The following RXFP2 variants were observed in gnomAD, a reference collection of about 807,000 sequenced individuals.
RXFP2 encodes the protein relaxin family peptide receptor 2.
In RXFP2, 68 loss-of-function variants were observed where a neutral mutation model predicts 88.6. The observed-to-expected ratio is 0.77, with a 90% confidence interval of 0.63 to 0.94. The LOEUF is 0.94. Among genes scored for constraint, RXFP2 ranks in the 40% least tolerant of loss-of-function variants. The probability of loss-of-function intolerance (pLI) is 0.00; values close to 1 mark genes in which losing one functional copy is unlikely to be tolerated. For synonymous variants in RXFP2, 329 were observed against 306.8 expected (o/e 1.07, Z -0.76); for missense variants, 791 against 893.9 (o/e 0.88, Z 1.47).
At chr13:31,743,976 T>C (rs900021903) in intron 1 of RXFP2, among the ~76,000 whole-genome samples, 2 of 152,186 alleles carry the variant, frequency 1.3e-5, no homozygotes, top group African/African-American at 2.4e-5. Context: ...ATTCGCCCCC[T>C]TAAGTATTCC....
chr13:31,776,217 C>T (rs1872968727), intron 7 of RXFP2, among the ~76,000 whole-genome samples: 1 of 130,738 alleles, frequency 7.6e-6, no homozygotes, highest in African/African-American at 2.8e-5. Context: ...TTCTTGTTTG[C>T]TTGCTTGCCT....
chr13:31,774,483 T>A (rs1872857531), intron 5 of RXFP2, 137 bp from the exon 6 acceptor site: 1 of 688,310 alleles, frequency 1.5e-6, no homozygotes, highest in Admixed American at 2.0e-5. Flanking sequence ...ACTGACAACA[T>A]CTCCCCAACA....
At chr13:31,767,876 C>T (rs1053042715) in intron 5 of RXFP2, among the ~76,000 whole-genome samples, 2 of 152,094 alleles carry the variant, frequency 1.3e-5, no homozygotes, top group Admixed American at 6.6e-5. Context: ...GTTTTGCCCC[C>T]TAATCTGGGG....
Position 31,766,018 on chromosome 13 carries a change from T to C in RXFP2, c.488T>C (p.Leu163Pro). Residue 163 changes from leucine (L) to proline (P), a missense_variant, in exon 5 of 18, where the codon CTT becomes CCT. Physicochemically the swap from Leu to Pro is moderately conservative, Grantham distance 98. Coordinates refer to ENST00000298386, the MANE Select transcript of RXFP2 (RefSeq NM_130806.5). ...AAAGTTTTCATCAAATACACAAAACTTAAAAAGATGTAAGTAGCCGTTAAT... is the reference window on the plus strand; with the variant it reads ...AAAGTTTTCATCAAATACACAAAACCTAAAAAGATGTAAGTAGCCGTTAAT... Reference protein sequence around the residue: ...PDKVFIKYTKLKKIFLQHNCI... With the variant: ...PDKVFIKYTKPKKIFLQHNCI... 6.6e-7 allele frequency: 1 copy of C among 1,524,794 alleles called. No homozygotes were observed. The highest frequency in any genetic ancestry group is 9.1e-7 in the Non-Finnish European group (1 of 1,100,628). The allele number at this position is 1,524,794 out of a possible 1,614,324, so 94.5% of individuals were successfully genotyped here.
At chr13:31,757,660 G>A (rs1184941659) in intron 1 of RXFP2, among the ~76,000 whole-genome samples, 1 of 152,138 alleles carries the variant, frequency 6.6e-6, no homozygotes, top group Non-Finnish European at 1.5e-5. Context: ...GTTTCCAAGG[G>A]TGGATGACTC....
intron 6 of RXFP2, 127 bp from the exon 7 acceptor site, chr13:31,775,191 T>C: frequency 2.5e-6 from 2 of 813,386 alleles, no homozygotes; most frequent in East Asian, 2.6e-5. Flanking sequence ...CCTCTGCTCA[T>C]TCAGCCGAAT....
Position 31,792,798 on chromosome 13 carries a change from G to A in RXFP2, c.1496G>A (p.Gly499Glu), listed in dbSNP as rs571102655. Residue 499 changes from glycine to glutamate, a missense_variant, in exon 16 of 18, where the codon GGG becomes GAG. Coordinates refer to ENST00000298386, the MANE Select transcript of RXFP2 (RefSeq NM_130806.5). ...GAGAGCGTGCAGTGCCGCCTCATGGGGTTCCTGGCCATGCTGTCCACCGAA... is the reference window on the plus strand; with the variant it reads ...GAGAGCGTGCAGTGCCGCCTCATGGAGTTCCTGGCCATGCTGTCCACCGAA... ...WMESVQCRLM[G>E]FLAMLSTEVS... The A allele has an allele frequency of 3.8e-5, 61 of 1,614,074 alleles. No homozygotes were observed. Among genetic ancestry groups the A allele is most frequent in the South Asian group, 3.2e-4 (29 of 91,064 alleles).
intron 4 of RXFP2, among the ~76,000 whole-genome samples, chr13:31,765,479 T>C (rs950198322): frequency 1.3e-5 from 2 of 152,312 alleles, no homozygotes; most frequent in South Asian, 4.1e-4. Context: ...ATTCTACGTT[T>C]TTTTTAACGT....
chr13:31,778,413 A>G, intron 8 of RXFP2, 99 bp from the exon 9 acceptor site: 4 of 816,972 alleles, frequency 4.9e-6, no homozygotes, highest in South Asian at 4.4e-5. Flanking sequence ...ATAAGATATT[A>G]ATTTTAGCAC....
chr13:31,745,085 G>A (rs181290708), intron 1 of RXFP2, among the ~76,000 whole-genome samples: 20 of 151,926 alleles, frequency 1.3e-4, no homozygotes, highest in African/African-American at 3.9e-4. Flanking sequence ...CAGAAGAATC[G>A]CTTGAACCCA....
chr13:31,749,046 G>A (rs1354853959), intron 1 of RXFP2, among the ~76,000 whole-genome samples: 5 of 151,970 alleles, frequency 3.3e-5, no homozygotes, highest in African/African-American at 1.2e-4. Flanking sequence ...TCTAATTTAG[G>A]TATCTTTTCC....
Position 31,792,054 on chromosome 13 carries a change from T to C in RXFP2, c.1375+19T>C, listed in dbSNP as rs1873818957. ...CTTTGTTGTAAGTATGTTTCCAGTA[T>C]AAGTAGATTAAGGATATCTTCTGTG... On this transcript the variant is annotated intron_variant, in intron 15 of 17. Transcript: ENST00000298386. The C allele has an allele frequency of 2.0e-6, 3 of 1,535,828 alleles. No homozygotes were observed. Among genetic ancestry groups the C allele is most frequent in the Non-Finnish European group, 2.7e-6 (3 of 1,109,026 alleles).
chr13:31,759,088 A>C (rs927614832), intron 2 of RXFP2, among the ~76,000 whole-genome samples: 1 of 151,692 alleles, frequency 6.6e-6, no homozygotes, highest in African/African-American at 2.4e-5. Context: ...GGCCTAGCTA[A>C]AGAATTAATT....
At chr13:31,789,903 C>A (rs1873719103) in intron 14 of RXFP2, among the ~76,000 whole-genome samples, 4 of 152,144 alleles carry the variant, frequency 2.6e-5, no homozygotes, top group Admixed American at 2.6e-4. Context: ...GGTGTGATTA[C>A]TAAAAGACAA....
chr13:31,781,361 C>T (rs956986530), intron 9 of RXFP2, among the ~76,000 whole-genome samples: 1 of 151,676 alleles, frequency 6.6e-6, no homozygotes, highest in Non-Finnish European at 1.5e-5. Flanking sequence ...TAGAACAGCA[C>T]CTGGCACCAT....
chr13:31,776,422 A>T (rs1872987132), intron 7 of RXFP2, among the ~76,000 whole-genome samples: 2 of 150,834 alleles, frequency 1.3e-5, no homozygotes, highest in African/African-American at 4.9e-5. Flanking sequence ...CACCCAGCGA[A>T]TTTTTTGTAT....
chr13:31,776,092 CTTTCTTTTCT>C (rs1229763433), intron 7 of RXFP2, among the ~76,000 whole-genome samples: 2 of 68,734 alleles, frequency 2.9e-5, no homozygotes, highest in African/African-American at 1.2e-4. Flanking sequence ...TTCCTTCTTT[CTTTCTTTTCT>C]TTTCTTTCTT....
At position 31,749,417 on chromosome 13, in the gene RXFP2, G is replaced by A. The variant is rs145356530; in HGVS notation, c.95-8841G>A. Among the ~76,000 whole-genome samples the A allele has an allele frequency of 6.2e-3, 947 of 152,128 alleles. 19 individuals are homozygous for A. Among genetic ancestry groups the A allele is most frequent in the East Asian group, 0.027 (138 of 5,180 alleles). Reference sequence around the variant, plus strand: ...TTCTTCAGTGGTAGCCTGGCTCTTCGTGTTCTTTTGCATTTCCACATGCCT... The same window carrying A: ...TTCTTCAGTGGTAGCCTGGCTCTTCATGTTCTTTTGCATTTCCACATGCCT... On this transcript the variant is annotated intron_variant, in intron 1 of 17. Transcript: ENST00000298386.
At chr13:31,790,725 A>T (rs1873751526) in intron 14 of RXFP2, among the ~76,000 whole-genome samples, 1 of 152,242 alleles carries the variant, frequency 6.6e-6, no homozygotes, top group African/African-American at 2.4e-5. Flanking sequence ...AAGGGATAGA[A>T]GGAGGATTGA....
Sources: gnomAD v4.1 joint callset for allele counts (sites outside exome capture counted in the v4.1 genomes callset) on GRCh38, gnomAD v4.1.1 for gene constraint, MANE v1.5 for transcripts, NCBI Gene and HGNC (gene_info 2026-07-23, HGNC 2026-07-21) for gene names.